Variants in AFG2A observed in about 807,000 individuals in gnomAD.
AFG2A encodes the protein AAA ATPase AFG2A.
At chr4:123,101,213 G>A in the AFG2A span, among the ~76,000 whole-genome samples, 13 of 151,868 alleles carry the variant, frequency 8.6e-5, no homozygotes, top group Non-Finnish European at 1.9e-4. Flanking sequence ...AATTGACATG[G>A]AGATAATTAG....
chr4:123,156,653 G>A, the AFG2A span, among the ~76,000 whole-genome samples: 7,613 of 150,490 alleles, frequency 0.051, 603 homozygotes, highest in African/African-American at 0.17. Flanking sequence ...TTATTTTTAA[G>A]TTTCTAATTG....
the AFG2A span, among the ~76,000 whole-genome samples, chr4:123,269,054 CT>C: frequency 6.6e-6 from 1 of 152,172 alleles, no homozygotes; most frequent in South Asian, 2.1e-4. Context: ...ATCATATATT[CT>C]TTTCACCTCT....
the AFG2A span, among the ~76,000 whole-genome samples, chr4:122,983,833 A>C: frequency 6.6e-6 from 1 of 152,182 alleles, no homozygotes; most frequent in African/African-American, 2.4e-5. Flanking sequence ...CCCAGTACCA[A>C]CCCAGAGCTG....
At chr4:123,070,619 C>T in the AFG2A span, among the ~76,000 whole-genome samples, 1 of 152,124 alleles carries the variant, frequency 6.6e-6, no homozygotes, top group East Asian at 1.9e-4. Context: ...CATGAGGGCT[C>T]CACCTTCATG....
At chr4:123,242,321 AAC>A in the AFG2A span, among the ~76,000 whole-genome samples, 1 of 152,228 alleles carries the variant, frequency 6.6e-6, no homozygotes, top group Non-Finnish European at 1.5e-5. Flanking sequence ...AAGCAAAAAC[AAC>A]AAAGCTGGAG....
At chr4:123,101,846 T>C in the AFG2A span, among the ~76,000 whole-genome samples, 4 of 151,890 alleles carry the variant, frequency 2.6e-5, no homozygotes, top group Non-Finnish European at 5.9e-5. Flanking sequence ...GAGTGCCTTA[T>C]ACAGAGTGTG....
the AFG2A span, among the ~76,000 whole-genome samples, chr4:123,025,583 T>C: frequency 6.6e-6 from 1 of 152,244 alleles, no homozygotes; most frequent in East Asian, 1.9e-4. Context: ...TTGAAAGTTG[T>C]ATGGGTTTTT....
the AFG2A span, among the ~76,000 whole-genome samples, chr4:123,309,480 T>C: frequency 3.2e-4 from 49 of 152,272 alleles, no homozygotes; most frequent in African/African-American, 1.0e-3. Context: ...CCTCACTTCT[T>C]AATACTAGTA....
At chr4:123,050,376 T>A in the AFG2A span, among the ~76,000 whole-genome samples, 3 of 152,202 alleles carry the variant, frequency 2.0e-5, no homozygotes, top group South Asian at 6.2e-4. Flanking sequence ...CTGAACTGTT[T>A]GTTGCTCAAA....
chr4:123,181,634 A>C, the AFG2A span, among the ~76,000 whole-genome samples: 1 of 151,942 alleles, frequency 6.6e-6, no homozygotes, highest in African/African-American at 2.4e-5. Flanking sequence ...AATAATAATA[A>C]ATTAATAAAA....
At chr4:123,094,874 C>G in the AFG2A span, among the ~76,000 whole-genome samples, 1 of 151,236 alleles carries the variant, frequency 6.6e-6, no homozygotes, top group Non-Finnish European at 1.5e-5. Flanking sequence ...TTTCACAAAC[C>G]CCATTATCAC....
chr4:123,093,324 A>T, the AFG2A span, among the ~76,000 whole-genome samples: 399 of 152,296 alleles, frequency 2.6e-3, no homozygotes, highest in African/African-American at 8.9e-3. Context: ...TTACATGCAA[A>T]TTAAAGGGTG....
the AFG2A span, among the ~76,000 whole-genome samples, chr4:123,016,202 G>A: frequency 7.6e-6 from 1 of 130,788 alleles, no homozygotes; most frequent in African/African-American, 3.0e-5. Flanking sequence ...GCGGCTGGCC[G>A]GGCAGGGGGC....
chr4:123,283,021 T>A, the AFG2A span, among the ~76,000 whole-genome samples: 2 of 152,140 alleles, frequency 1.3e-5, no homozygotes, highest in East Asian at 3.8e-4. Context: ...CTTGCACTTT[T>A]ATGTTTTGTC....
chr4:123,072,878 A>G, the AFG2A span, among the ~76,000 whole-genome samples: 1 of 152,122 alleles, frequency 6.6e-6, no homozygotes, highest in African/African-American at 2.4e-5. Flanking sequence ...TAAATTTATT[A>G]CTATAATATT....
At chr4:122,953,394 T>C in the AFG2A span, among the ~76,000 whole-genome samples, 1 of 152,202 alleles carries the variant, frequency 6.6e-6, no homozygotes, top group African/African-American at 2.4e-5. Flanking sequence ...AACCAACGAA[T>C]GTCACCATAT....
the AFG2A span, among the ~76,000 whole-genome samples, chr4:122,975,277 G>A: frequency 1.3e-5 from 2 of 152,086 alleles, no homozygotes; most frequent in African/African-American, 4.8e-5. Flanking sequence ...TAGCAGAAGG[G>A]TAAGAAAAAG....
the AFG2A span, among the ~76,000 whole-genome samples, chr4:123,084,136 A>G: frequency 1.1e-4 from 16 of 152,074 alleles, no homozygotes; most frequent in African/African-American, 3.9e-4. Flanking sequence ...TAATATATAT[A>G]GATCTGTAGT....
the AFG2A span, among the ~76,000 whole-genome samples, chr4:123,273,473 A>G: frequency 6.6e-6 from 1 of 152,164 alleles, no homozygotes; most frequent in Non-Finnish European, 1.5e-5. Context: ...CATAAAGACA[A>G]AGGAGAAGCT....
Sources: gnomAD v4.1 joint callset for allele counts (sites outside exome capture counted in the v4.1 genomes callset) on GRCh38, gnomAD v4.1.1 for gene constraint, MANE v1.5 for transcripts, NCBI Gene and HGNC (gene_info 2026-07-23, HGNC 2026-07-21) for gene names.